Variants in MESD observed in about 807,000 individuals in gnomAD.
MESD encodes mesoderm development LRP chaperone, also known as LRP chaperone MESD.
MESD carries 7 observed loss-of-function variants against 12.9 expected under a neutral mutation model. That is an observed-to-expected ratio of 0.54 (90% confidence interval 0.31 to 1.02). MESD has a LOEUF of 1.02. MESD is among the 50% of genes least tolerant of loss of function. The pLI is 0.05. For missense variants in MESD, 342 were observed against 296.7 expected (o/e 1.15, Z -1.12); for synonymous variants, 126 against 115.6 (o/e 1.09, Z -0.58).
chr15:80,952,005 G>A (rs565599690), exon 4 of MESD: 20 of 351,040 alleles, frequency 5.7e-5, no homozygotes, highest in Admixed American at 1.1e-4. Flanking sequence ...GGTGGAGATG[G>A]TTCAAAGAAA....
At chr15:80,946,802 G>A (rs1181662563), downstream of MESD, 21 of 672,768 alleles carry the variant, frequency 3.1e-5, no homozygotes, top group East Asian at 5.6e-5. Flanking sequence ...GAAAGAGCCC[G>A]TCAGCTCAGA....
At chr15:80,948,036 G>A (rs1039654010) in exon 5 of MESD, 4 of 152,744 alleles carry the variant, frequency 2.6e-5, no homozygotes, top group African/African-American at 9.7e-5. Flanking sequence ...AGGACATAAG[G>A]AAAAGAGAAG....
rs750570287 is a variant in MESD at position 80,979,363 on chromosome 15, G to A, written c.561C>T (p.Gly187=). ...QDRCADVTLE[G]QVYPGKGGGS... is the part of the protein sequence containing the mutation. ...CTCCTCCTTTGCCGGGGTACACCTG[G>A]CCCTCCAGAGTTACATCAGCACACC... is the stretch of plus-strand genomic sequence containing the variant. Residue 187 remains glycine, a synonymous_variant, in exon 3 of 3, where the codon GGC becomes GGT. Transcript: ENST00000261758. The A allele has an allele frequency of 5.0e-6, 8 of 1,613,952 alleles. No individual in the cohort carries two copies. The highest frequency in any genetic ancestry group is 1.6e-4 in the Middle Eastern group (1 of 6,062).
At chr15:80,987,453 A>G (rs962076755) in intron 1 of MESD, among the ~76,000 whole-genome samples, 2 of 151,910 alleles carry the variant, frequency 1.3e-5, no homozygotes, top group African/African-American at 4.8e-5. Flanking sequence ...ACTAGGATGA[A>G]GTAGCTAGTG....
chr15:80,963,638 A>G (rs1017864093), intron 3 of MESD, among the ~76,000 whole-genome samples: 1 of 152,248 alleles, frequency 6.6e-6, no homozygotes, highest in African/African-American at 2.4e-5. Flanking sequence ...TCCACGATCA[A>G]GTCGGCTTCA....
chr15:80,948,730 T>C (rs1003096896), exon 5 of MESD: 1 of 1,609,548 alleles, frequency 6.2e-7, no homozygotes, highest in Non-Finnish European at 8.5e-7. Context: ...TGGGGAGCCA[T>C]GGAACGGGGT....
exon 5 of MESD, chr15:80,948,779 C>T (rs1404932193): frequency 6.2e-7 from 1 of 1,613,908 alleles, no homozygotes; most frequent in African/African-American, 1.3e-5. Flanking sequence ...GCTCAGGAGA[C>T]TCATCATTGC....
downstream of MESD, among the ~76,000 whole-genome samples, chr15:80,974,139 C>T (rs1306246377): frequency 6.6e-6 from 1 of 152,202 alleles, no homozygotes; most frequent in Non-Finnish European, 1.5e-5. Context: ...ACCTGTCAAG[C>T]AGAGCCACAC....
intron 3 of MESD, among the ~76,000 whole-genome samples, chr15:80,961,558 G>C (rs973773796): frequency 2.6e-5 from 4 of 152,158 alleles, no homozygotes; most frequent in African/African-American, 9.6e-5. Flanking sequence ...TTAGTACTAA[G>C]TAAAAATGAC....
rs545360876 is a variant in MESD, at chr15:80,964,222, T to C, written c.*289-11926A>G. Reference sequence around the variant, plus strand: ...GAGCCAAATCATGAGTGAACTCCCATTCACACTACAAAGAGAATAAAATAC... The same window carrying C: ...GAGCCAAATCATGAGTGAACTCCCACTCACACTACAAAGAGAATAAAATAC... On this transcript the variant is annotated intron_variant, in intron 3 of 4. Transcript: ENST00000561312. 3.9e-5 allele frequency among the ~76,000 whole-genome samples: 6 copies of C among 152,212 alleles called. No individual in the cohort carries two copies. In the East Asian group the frequency reaches 1.2e-3, roughly 29 times the overall value.
downstream of MESD, among the ~76,000 whole-genome samples, chr15:80,974,856 A>AT (rs1327831537): frequency 1.3e-5 from 2 of 151,316 alleles, no homozygotes; most frequent in Non-Finnish European, 2.9e-5. Context: ...ATTTTAAAAA[A>AT]TTATTTAAAA....
Position 80,989,658 on chromosome 15 carries a change from G to A in MESD, c.134C>T (p.Thr45Ile), listed in dbSNP as rs745679493. The change falls in exon 1 of 3, where the codon ACC becomes ATC. Residue 45 changes from threonine (T) to isoleucine (I), a missense_variant. Thr to Ile is a moderately conservative substitution (Grantham distance 89). Transcript: ENST00000261758. ...EGSPGTPDESTPPPRKKKKDI... is the reference protein window; with the variant it reads ...EGSPGTPDESIPPPRKKKKDI... ...CTTCTTCTTCTTCCGGGGAGGTGGG[G>A]TAGACTCGTCGGGCGTCCCGGGCGA... 1 of 1,613,820 alleles carries A rather than the reference G, an allele frequency of 6.2e-7. No homozygotes were observed. Among genetic ancestry groups the A allele is most frequent in the Non-Finnish European group, 8.5e-7 (1 of 1,180,024 alleles).
rs759545458 is a variant in MESD, at chr15:80,982,026, G to C, written c.370C>G (p.Pro124Ala). 1.2e-6 allele frequency: 2 copies of C among 1,614,070 alleles called. No homozygotes were observed. Among genetic ancestry groups the C allele is most frequent in the South Asian group, 1.1e-5 (1 of 91,066 alleles). Residue 124 changes from proline to alanine, a missense_variant, in exon 2 of 3, where the codon CCT becomes GCT. Transcript: ENST00000261758. ...ATTTCCTCTGTCTCCTTCTCAGTAGGGCTTCCTGATACAGTGACAAACATC... is the reference window on the plus strand; with the variant it reads ...ATTTCCTCTGTCTCCTTCTCAGTAGCGCTTCCTGATACAGTGACAAACATC... ...LMMFVTVSGS[P>A]TEKETEEITS... is the part of the protein sequence containing the mutation.
chr15:80,969,365 C>T (rs1902238773), intron 3 of MESD, among the ~76,000 whole-genome samples: 1 of 152,126 alleles, frequency 6.6e-6, no homozygotes, highest in Non-Finnish European at 1.5e-5. Flanking sequence ...AGGGACCTTG[C>T]CTGCCTTGCT....
At chr15:80,960,958 C>T (rs1284089719) in intron 3 of MESD, among the ~76,000 whole-genome samples, 2 of 152,148 alleles carry the variant, frequency 1.3e-5, no homozygotes, top group African/African-American at 4.8e-5. Flanking sequence ...GGAATTCATG[C>T]CACTGTCTCC....
downstream of MESD, among the ~76,000 whole-genome samples, chr15:80,972,875 A>T (rs1596231414): frequency 6.6e-6 from 1 of 152,164 alleles, no homozygotes; most frequent in East Asian, 1.9e-4. Flanking sequence ...ACAAAAAATT[A>T]GCCAGGTGAG....
At chr15:80,960,869 C>T (rs1902072777) in intron 3 of MESD, among the ~76,000 whole-genome samples, 1 of 152,166 alleles carries the variant, frequency 6.6e-6, no homozygotes, top group Admixed American at 6.5e-5. Context: ...TGTTCCCTGG[C>T]CCTCTGGCTC....
At chr15:80,970,501 G>A (rs1193548187) in intron 3 of MESD, 2 of 152,222 alleles carry the variant, frequency 1.3e-5, no homozygotes, top group African/African-American at 4.8e-5. Context: ...GCAGGTGTGA[G>A]GCTCACATGC....
exon 5 of MESD, chr15:80,947,348 A>G: frequency 2.4e-6 from 1 of 423,900 alleles, no homozygotes; most frequent in East Asian, 4.6e-5. Context: ...GTGGCCCTTT[A>G]TTCAACAAAA....
Sources: gnomAD v4.1 joint callset for allele counts (sites outside exome capture counted in the v4.1 genomes callset) on GRCh38, gnomAD v4.1.1 for gene constraint, MANE v1.5 for transcripts, NCBI Gene and HGNC (gene_info 2026-07-23, HGNC 2026-07-21) for gene names.